The following GTF2H1 variants were observed in gnomAD, a reference collection of about 807,000 sequenced individuals.
GTF2H1 encodes BTF2 p62.
In GTF2H1, 16 loss-of-function variants were observed where a neutral mutation model predicts 71.2. That is an observed-to-expected ratio of 0.22 (90% CI 0.15 to 0.34). The LOEUF (loss-of-function observed/expected upper bound fraction) is 0.34. Among genes scored for constraint, GTF2H1 ranks in the 10% least tolerant of loss-of-function variants. The probability of loss-of-function intolerance (pLI) is 1.00; values close to 1 mark genes in which losing one functional copy is unlikely to be tolerated. For missense variants in GTF2H1, 498 were observed against 648.2 expected, an observed-to-expected ratio of 0.77 and a Z score of 2.52; for synonymous variants, 215 against 219.0, an observed-to-expected ratio of 0.98 and a Z score of 0.16.
intron 2 of GTF2H1, 77 bp downstream of exon 2, chr11:18,333,305 CTTTA>C (rs1565005704): frequency 9.5e-7 from 1 of 1,051,516 alleles, no homozygotes; most frequent in African/African-American, 1.6e-5. Flanking sequence ...TTATATAAAT[CTTTA>C]TTTTATATCA....
chr11:18,343,785 G>A (rs776531998), intron 7 of GTF2H1, among the ~76,000 whole-genome samples: 4 of 152,092 alleles, frequency 2.6e-5, no homozygotes, highest in Non-Finnish European at 4.4e-5. Context: ...TTAGTAAAAA[G>A]CATTACAATT....
rs1475352408 is a variant in GTF2H1 at position 18,338,227 on chromosome 11, T to C, written c.466T>C (p.Ser156Pro). 1 of 1,610,286 alleles carries C rather than the reference T, an allele frequency of 6.2e-7. No individual in the cohort carries two copies. Among genetic ancestry groups the C allele is most frequent in the South Asian group, 1.1e-5 (1 of 91,012 alleles). The stretch of plus-strand genomic sequence containing the variant: ...AAATGTGAATGCAACAGATAGTTCT[T>C]CCACATCCAATCATAAGCAGGATGT... Reference protein sequence around the residue: ...RLNVNATDSSSTSNHKQDVGI... With the variant: ...RLNVNATDSSPTSNHKQDVGI... Residue 156 changes from serine to proline, a missense_variant, in exon 4 of 15, where the codon TCC becomes CCC. Around this residue, in one of 3 missense-constraint regions of GTF2H1, gnomAD observed 216 missense variants for 306.2 expected, o/e 0.71. Transcript: ENST00000265963.
chr11:18,328,339 C>T (rs924978736), intron 1 of GTF2H1, among the ~76,000 whole-genome samples: 5 of 151,496 alleles, frequency 3.3e-5, no homozygotes, highest in African/African-American at 1.2e-4. Context: ...GGCGAAACCC[C>T]GTCTCTACTA....
chr11:18,330,931 C>T (rs1313875252), intron 1 of GTF2H1, among the ~76,000 whole-genome samples: 1 of 152,190 alleles, frequency 6.6e-6, no homozygotes, highest in Admixed American at 6.5e-5. Context: ...TATCTGACTA[C>T]TCATACTTGA....
intron 14 of GTF2H1, among the ~76,000 whole-genome samples, chr11:18,363,072 A>G (rs982877826): frequency 6.6e-6 from 1 of 152,044 alleles, no homozygotes; most frequent in Non-Finnish European, 1.5e-5. Context: ...GATCATCACT[A>G]TCACTGTCTT....
At chr11:18,351,089 C>T (rs1865410175) in intron 9 of GTF2H1, among the ~76,000 whole-genome samples, 1 of 152,084 alleles carries the variant, frequency 6.6e-6, no homozygotes, top group Non-Finnish European at 1.5e-5. Flanking sequence ...CCCTATTTTA[C>T]TCCTAATCCA....
intron 13 of GTF2H1, among the ~76,000 whole-genome samples, chr11:18,360,221 C>T (rs1294408048): frequency 8.3e-6 from 1 of 119,976 alleles, no homozygotes; most frequent in Non-Finnish European, 2.1e-5. Flanking sequence ...CTCCTGGGTT[C>T]AACCAATTTT....
At chr11:18,352,220 G>T in intron 10 of GTF2H1, 109 bp from the exon 11 acceptor site, 1 of 651,528 alleles carries the variant, frequency 1.5e-6, no homozygotes. Flanking sequence ...TTTACTTATC[G>T]TTTCTTGCCT....
At chr11:18,336,835 A>G (rs1590185574) in intron 3 of GTF2H1, among the ~76,000 whole-genome samples, 2 of 151,338 alleles carry the variant, frequency 1.3e-5, no homozygotes, top group Admixed American at 6.6e-5. Flanking sequence ...GCTCACTGCA[A>G]CCTCCACCTC....
intron 11 of GTF2H1, among the ~76,000 whole-genome samples, chr11:18,356,478 C>T (rs1180538627): frequency 5.3e-5 from 8 of 151,816 alleles, no homozygotes; most frequent in Admixed American, 2.6e-4. Context: ...CATAAATGCA[C>T]ACATAACCAA....
chr11:18,349,037 G>A (rs1471302048), intron 9 of GTF2H1, among the ~76,000 whole-genome samples: 1 of 152,138 alleles, frequency 6.6e-6, no homozygotes, highest in South Asian at 2.1e-4. Context: ...TGGGATTACA[G>A]GCGTGCACCA....
At chr11:18,342,762 C>T (rs1315114986) in intron 7 of GTF2H1, among the ~76,000 whole-genome samples, 4 of 151,980 alleles carry the variant, frequency 2.6e-5, no homozygotes, top group Non-Finnish European at 4.4e-5. Context: ...AACATGATGG[C>T]ATATTGTACA....
At chr11:18,324,520 G>A (rs138815272) in intron 1 of GTF2H1, among the ~76,000 whole-genome samples, 17 of 152,224 alleles carry the variant, frequency 1.1e-4, no homozygotes, top group African/African-American at 3.9e-4. Context: ...TCTCCCTGCT[G>A]GTACCATGTG....
rs753180260 is a variant in GTF2H1 at position 18,335,824 on chromosome 11, T to C, written c.225T>C (p.Thr75=). 1 of 1,613,974 alleles carries C rather than the reference T, an allele frequency of 6.2e-7. No individual in the cohort carries two copies. Among genetic ancestry groups the C allele is most frequent in the Non-Finnish European group, 8.5e-7 (1 of 1,179,816 alleles). ...TGGTCCTACATGCAGGGGACACAACTAACTTCCATTTTTCCAATGAAAGCA... is the reference window on the plus strand; with the variant it reads ...TGGTCCTACATGCAGGGGACACAACCAACTTCCATTTTTCCAATGAAAGCA... The part of the protein sequence containing the change: ...LQLVLHAGDT[T]NFHFSNESTA... Residue 75 remains threonine, a synonymous_variant, in exon 3 of 15, where the codon ACT becomes ACC. Coordinates refer to ENST00000265963, the MANE Select transcript of GTF2H1 (RefSeq NM_005316.4).
At chr11:18,352,524 A>G in intron 11 of GTF2H1, 78 bp downstream of exon 11, 1 of 632,994 alleles carries the variant, frequency 1.6e-6, no homozygotes, top group South Asian at 2.1e-5. Context: ...AGATTGAACC[A>G]TACAACTAAT....
intron 14 of GTF2H1, among the ~76,000 whole-genome samples, chr11:18,361,568 C>T (rs1223908988): frequency 1.3e-5 from 2 of 152,178 alleles, no homozygotes; most frequent in Non-Finnish European, 2.9e-5. Flanking sequence ...ACTCGGGAGG[C>T]TGAGACAGGA....
At position 18,338,244 on chromosome 11, in the gene GTF2H1, G is replaced by A; in HGVS notation, c.483G>A (p.Lys161=). 6.2e-7 allele frequency: 1 copy of A among 1,611,276 alleles called. No homozygotes were observed. The highest frequency in any genetic ancestry group is 8.5e-7 in the Non-Finnish European group (1 of 1,177,458). Residue 161 remains lysine, a synonymous_variant, in exon 4 of 15, where the codon AAG becomes AAA. Transcript: ENST00000265963. The part of the protein sequence containing the change: ...ATDSSSTSNH[K]QDVGISAAFL... ...ATAGTTCTTCCACATCCAATCATAA[G>A]CAGGATGTTGGCATTTCTGCTGCAT... is the stretch of plus-strand genomic sequence containing the variant.
chr11:18,361,274 G>C (rs902869792), intron 14 of GTF2H1, among the ~76,000 whole-genome samples: 4 of 152,076 alleles, frequency 2.6e-5, no homozygotes, highest in Non-Finnish European at 5.9e-5. Flanking sequence ...TATTCCCTGA[G>C]TGCCCCTGTC....
At chr11:18,355,205 T>C (rs6486419) in intron 11 of GTF2H1, among the ~76,000 whole-genome samples, 109,674 of 151,092 alleles carry the variant, frequency 0.73, 40,221 homozygotes, top group East Asian at 0.97. Flanking sequence ...TGCAGTGGCA[T>C]GATCCCCACT....
Sources: gnomAD v4.1 joint callset for allele counts (sites outside exome capture counted in the v4.1 genomes callset) on GRCh38, gnomAD v4.1.1 for gene constraint, gnomAD v4.1.1 regional missense constraint, MANE v1.5 for transcripts, NCBI Gene and HGNC (gene_info 2026-07-23, HGNC 2026-07-21) for gene names.